Variants in PLCXD1 observed in about 807,000 individuals in gnomAD.
The protein encoded by PLCXD1 is phosphatidylinositol specific phospholipase C X domain containing 1, also known as PI-PLC X domain-containing protein 1.
In PLCXD1, 45 loss-of-function variants were observed where a neutral mutation model predicts 37.8. The ratio of observed to expected loss-of-function variants is 1.19; its 90% CI spans 0.94 to 1.53. PLCXD1 has a LOEUF of 1.53. Among genes scored for constraint, PLCXD1 ranks in the 40% most tolerant of loss-of-function variants. The pLI, the probability that PLCXD1 is intolerant of heterozygous loss-of-function variation, is 0.00. For synonymous variants in PLCXD1, 246 were observed against 206.9 expected, an observed-to-expected ratio of 1.19 and a Z score of -1.62; for missense variants, 539 against 454.7, an observed-to-expected ratio of 1.19 and a Z score of -1.69.
intron 6 of PLCXD1, among the ~76,000 whole-genome samples, chrX:293,857 C>T (rs984082696): frequency 4.6e-5 from 7 of 152,108 alleles, no homozygotes; most frequent in African/African-American, 1.2e-4. Context: ...TTGTGGTTGC[C>T]GGGGGCTGCG....
At position 299,241 on chromosome X, in the gene PLCXD1, C is replaced by T. The variant is rs749442721; in HGVS notation, c.878C>T (p.Ser293Leu). Residue 293 changes from serine (S) to leucine (L), a missense_variant, in exon 7 of 7, where the codon TCA becomes TTA. Coordinates refer to ENST00000381657, the MANE Select transcript of PLCXD1 (RefSeq NM_018390.4). ...CGAGAGCAGTGCCCGGGGCCGGGTT[C>T]ACGGTGCACCAACATCATCGCGGGG... ...WVREQCPGPG[S>L]RCTNIIAGDF... 6.2e-7 allele frequency: 1 copy of T among 1,613,902 alleles called. No homozygotes were observed. Among genetic ancestry groups the T allele is most frequent in the Admixed American group, 1.7e-5 (1 of 60,000 alleles).
At chrX:290,354 C>T (rs1032214467) in intron 3 of PLCXD1, among the ~76,000 whole-genome samples, 6 of 150,874 alleles carry the variant, frequency 4.0e-5, no homozygotes, top group South Asian at 2.2e-4. Context: ...GGCATGAACC[C>T]GGGAGGCGGA....
intron 1 of PLCXD1, chrX:283,700 G>GGCCTTGGTGTC (rs1216178519): frequency 6.5e-6 from 1 of 153,472 alleles, no homozygotes; most frequent in Non-Finnish European, 1.4e-5. Context: ...GGGTGGGGGC[G>GGCCTTGGTGTC]AGGGCAAGAG....
chrX:278,702 GCA>G (rs1427348063), upstream of PLCXD1, among the ~76,000 whole-genome samples: 2 of 138,464 alleles, frequency 1.4e-5, no homozygotes, highest in Non-Finnish European at 3.0e-5. Context: ...TTGCACCACT[GCA>G]CTCCAGCCTG....
chrX:294,984 T>G (rs939782883), intron 6 of PLCXD1, among the ~76,000 whole-genome samples: 78 of 151,914 alleles, frequency 5.1e-4, no homozygotes, highest in African/African-American at 1.8e-3. Context: ...GCGACCAGTC[T>G]GGTGAAACCC....
intron 4 of PLCXD1, among the ~76,000 whole-genome samples, chrX:291,268 T>C (rs1292863033): frequency 5.3e-5 from 8 of 151,822 alleles, no homozygotes; most frequent in Non-Finnish European, 8.8e-5. Flanking sequence ...GCCTCAGCCT[T>C]CCAAGTAGCT....
intron 2 of PLCXD1, among the ~76,000 whole-genome samples, chrX:287,204 T>C (rs911139052): frequency 4.0e-5 from 6 of 148,396 alleles, no homozygotes; most frequent in Non-Finnish European, 7.4e-5. Context: ...AGTGTACATA[T>C]TTATATATAA....
chrX:299,497 C>T lies in PLCXD1; in HGVS notation c.*162C>T, dbSNP rs764782675. On this transcript the variant is annotated 3_prime_UTR_variant, in exon 7 of 7. Coordinates refer to ENST00000381657, the MANE Select transcript of PLCXD1 (RefSeq NM_018390.4). Reference sequence around the variant, plus strand: ...ATGGGGTGGCTGGGCGTGGTGACTTCGCCTGTCTTCCCAGCACTTTGGGAG... The same window carrying T: ...ATGGGGTGGCTGGGCGTGGTGACTTTGCCTGTCTTCCCAGCACTTTGGGAG... The T allele has an allele frequency of 1.3e-4, 86 of 646,856 alleles. No homozygotes were observed. In the African/African-American group the frequency reaches 1.3e-3, roughly 10 times the overall value. The allele number at this position is 646,856 out of a possible 1,614,324, so 40.1% of individuals were successfully genotyped here.
chrX:295,325 C>T (rs2069769099), intron 6 of PLCXD1, among the ~76,000 whole-genome samples: 2 of 152,034 alleles, frequency 1.3e-5, no homozygotes, highest in Non-Finnish European at 2.9e-5. Flanking sequence ...GGAAGGTCCT[C>T]CCCGCGGGGA....
chrX:300,610 G>A lies in PLCXD1; in HGVS notation c.*1275G>A, dbSNP rs28776186. ...TGTTTATACATGTATATGTGTGTAT[G>A]CGTGTATACGTGTATGTATACATGT... is the stretch of plus-strand genomic sequence containing the variant. On this transcript the variant is annotated 3_prime_UTR_variant, in exon 7 of 7. Coordinates refer to ENST00000381657, the MANE Select transcript of PLCXD1 (RefSeq NM_018390.4). The A allele has an allele frequency of 5.9e-5, 9 of 151,752 alleles. No homozygotes were observed. Among genetic ancestry groups the A allele is most frequent in the Non-Finnish European group, 1.3e-4 (9 of 67,990 alleles). The allele number at this position is 151,752 out of a possible 1,614,324, so 9.4% of individuals were successfully genotyped here.
At chrX:290,537 A>G in intron 3 of PLCXD1, 111 bp from the exon 4 acceptor site, 1 of 1,159,308 alleles carries the variant, frequency 8.6e-7, no homozygotes, top group Non-Finnish European at 1.3e-6. Flanking sequence ...TACGACATCC[A>G]CGTCCCAGTG....
chrX:298,978 A>C, intron 6 of PLCXD1, 119 bp from the exon 7 acceptor site: 1 of 786,884 alleles, frequency 1.3e-6, no homozygotes, highest in South Asian at 1.6e-5. Context: ...TCCTTGTTGG[A>C]CATGGTGCTT....
At chrX:289,411 G>C (rs2069556718) in intron 3 of PLCXD1, among the ~76,000 whole-genome samples, 1 of 150,794 alleles carries the variant, frequency 6.6e-6, no homozygotes, top group African/African-American at 2.4e-5. Flanking sequence ...ATGGCGTAAA[G>C]CTAATGCCGT....
intron 6 of PLCXD1, among the ~76,000 whole-genome samples, chrX:295,428 C>T (rs2069772830): frequency 6.6e-6 from 1 of 151,970 alleles, no homozygotes; most frequent in African/African-American, 2.4e-5. Context: ...CCCACAGGGG[C>T]AGCATGAAAC....
At chrX:281,285 C>A, upstream of PLCXD1, 1 of 176,826 alleles carries the variant, frequency 5.7e-6, no homozygotes, top group Non-Finnish European at 1.2e-5. Context: ...GAGAAAGAGG[C>A]TGAGCTGACA....
At chrX:292,367 G>A (rs1021506520) in intron 5 of PLCXD1, among the ~76,000 whole-genome samples, 1 of 152,072 alleles carries the variant, frequency 6.6e-6, no homozygotes, top group Non-Finnish European at 1.5e-5. Flanking sequence ...GCTGAGGCAG[G>A]AGAATGGTGT....
At chrX:282,898 T>G (rs760182053) in intron 1 of PLCXD1, among the ~76,000 whole-genome samples, 1 of 146,030 alleles carries the variant, frequency 6.8e-6, no homozygotes, top group Non-Finnish European at 1.5e-5. Flanking sequence ...GTTATATATG[T>G]CTATATTATA....
Position 299,339 on chromosome X carries a change from G to T in PLCXD1, c.*4G>T. The T allele has an allele frequency of 6.2e-7, 1 of 1,604,298 alleles. No individual in the cohort carries two copies. The highest frequency in any genetic ancestry group is 8.5e-7 in the Non-Finnish European group (1 of 1,171,160). On this transcript the variant is annotated 3_prime_UTR_variant, in exon 7 of 7. Transcript: ENST00000381657. Reference sequence around the variant, plus strand: ...TCAGAAGCTGCTGTGGTGCTGACGGGACCCTTCTGAAGTTCGGGACGCGGC... The same window carrying T: ...TCAGAAGCTGCTGTGGTGCTGACGGTACCCTTCTGAAGTTCGGGACGCGGC...
chrX:279,794 A>AG (rs2069224466), upstream of PLCXD1, among the ~76,000 whole-genome samples: 2 of 151,946 alleles, frequency 1.3e-5, no homozygotes, highest in African/African-American at 4.8e-5. Flanking sequence ...AAAAAGAAGA[A>AG]AAAAAGAGTT....
Sources: allele counts gnomAD v4.1 joint callset (sites outside exome capture counted in the v4.1 genomes callset), GRCh38; gene constraint gnomAD v4.1.1; transcripts MANE v1.5; gene names NCBI Gene and HGNC (gene_info 2026-07-23, HGNC 2026-07-21).